PRTFDC1: variants seen among roughly 807,000 people sequenced by gnomAD.
PRTFDC1 encodes the protein phosphoribosyltransferase domain-containing protein 1.
Under a neutral mutation model 34.6 loss-of-function variants are expected in PRTFDC1, and 38 were observed. The observed-to-expected ratio is 1.10, with a 90% CI of 0.85 to 1.44. The LOEUF (loss-of-function observed/expected upper bound fraction) is 1.44. PRTFDC1 is among the 40% of genes most tolerant of loss of function. The probability of loss-of-function intolerance (pLI) is 0.00; values close to 1 mark genes in which losing one functional copy is unlikely to be tolerated. For missense variants in PRTFDC1, 270 were observed against 283.0 expected (o/e 0.95, Z 0.33); for synonymous variants, 93 against 98.1 (o/e 0.95, Z 0.31).
At chr10:24,907,154 C>T (rs1848549545) in intron 3 of PRTFDC1, among the ~76,000 whole-genome samples, 1 of 151,768 alleles carries the variant, frequency 6.6e-6, no homozygotes, top group Non-Finnish European at 1.5e-5. Flanking sequence ...AGACACTGCA[C>T]TGAGCTATGA....
Position 24,868,918 on chromosome 10 carries a change from C to T in PRTFDC1, c.405+3080G>A, listed in dbSNP as rs374229831. Among the ~76,000 whole-genome samples, 31 of 152,016 alleles carry T rather than the reference C, an allele frequency of 2.0e-4. 1 individual carries two copies. Among genetic ancestry groups the T allele is most frequent in the African/African-American group, 6.5e-4 (27 of 41,436 alleles). ...TAAATTTTATTTTTTCGTTGATACA[C>T]AATGTTTTATGTATTTACGGAGTAC... On this transcript the variant is annotated intron_variant, in intron 4 of 8. Transcript: ENST00000320152.
At chr10:24,940,998 C>A (rs1849146101) in intron 2 of PRTFDC1, among the ~76,000 whole-genome samples, 1 of 151,826 alleles carries the variant, frequency 6.6e-6, no homozygotes, top group Non-Finnish European at 1.5e-5. Flanking sequence ...TGTTCACCTG[C>A]AATGGGTGAA....
At chr10:24,909,123 A>C (rs549550097) in intron 3 of PRTFDC1, among the ~76,000 whole-genome samples, 1 of 152,308 alleles carries the variant, frequency 6.6e-6, no homozygotes, top group African/African-American at 2.4e-5. Flanking sequence ...CTCAACAAAA[A>C]GCCAAAAAAC....
intron 3 of PRTFDC1, among the ~76,000 whole-genome samples, chr10:24,932,516 T>C (rs1322840555): frequency 3.3e-5 from 5 of 151,934 alleles, no homozygotes; most frequent in Non-Finnish European, 7.4e-5. Context: ...TAATTGGAAT[T>C]TGAAATTCAA....
At chr10:24,902,165 T>G (rs149414928) in intron 3 of PRTFDC1, among the ~76,000 whole-genome samples, 2 of 151,862 alleles carry the variant, frequency 1.3e-5, no homozygotes, top group East Asian at 1.9e-4. Flanking sequence ...GCTGCCTCAT[T>G]GCTGGATGGA....
At chr10:24,927,735 C>G (rs1848901000) in intron 3 of PRTFDC1, among the ~76,000 whole-genome samples, 1 of 151,888 alleles carries the variant, frequency 6.6e-6, no homozygotes, top group Non-Finnish European at 1.5e-5. Flanking sequence ...GTGTACACCA[C>G]CACGTCCAGC....
chr10:24,871,785 G>C (rs563324389), intron 4 of PRTFDC1, among the ~76,000 whole-genome samples: 1 of 152,118 alleles, frequency 6.6e-6, no homozygotes, highest in Non-Finnish European at 1.5e-5. Flanking sequence ...AAGGAAGCTC[G>C]GAGAAGAAAG....
At chr10:24,865,129 A>G (rs1253100285) in intron 4 of PRTFDC1, among the ~76,000 whole-genome samples, 18 of 152,006 alleles carry the variant, frequency 1.2e-4, no homozygotes, top group Non-Finnish European at 2.5e-4. Context: ...AAAACAAAAC[A>G]AAACAAACGA....
At chr10:24,862,468 G>A (rs1565258148) in intron 4 of PRTFDC1, among the ~76,000 whole-genome samples, 2 of 151,950 alleles carry the variant, frequency 1.3e-5, no homozygotes, top group African/African-American at 2.4e-5. Context: ...TCTGCCTCTT[G>A]GGTTCAAGTG....
intron 3 of PRTFDC1, among the ~76,000 whole-genome samples, chr10:24,873,681 A>G (rs1565262030): frequency 6.6e-6 from 1 of 152,056 alleles, no homozygotes; most frequent in Non-Finnish European, 1.5e-5. Flanking sequence ...CTTCCCAGCT[A>G]CTCAAGCCAA....
At chr10:24,926,851 C>T (rs1848883723) in intron 3 of PRTFDC1, among the ~76,000 whole-genome samples, 1 of 152,212 alleles carries the variant, frequency 6.6e-6, no homozygotes, top group Non-Finnish European at 1.5e-5. Flanking sequence ...TGGATTGATA[C>T]TATAATTTAA....
intron 1 of PRTFDC1, among the ~76,000 whole-genome samples, chr10:24,945,232 T>C (rs1006725597): frequency 6.6e-6 from 1 of 152,182 alleles, no homozygotes; most frequent in African/African-American, 2.4e-5. Context: ...CATTGTTGAA[T>C]CCCTCAGTGC....
chr10:24,908,772 A>T, intron 3 of PRTFDC1: 1 of 1,453,730 alleles, frequency 6.9e-7, no homozygotes, highest in Non-Finnish European at 9.1e-7. Flanking sequence ...CCTAGCGATC[A>T]ATGGGGTGAC....
intron 3 of PRTFDC1, among the ~76,000 whole-genome samples, chr10:24,926,047 T>G (rs1396888157): frequency 2.0e-5 from 3 of 152,322 alleles, no homozygotes; most frequent in Non-Finnish European, 4.4e-5. Context: ...GAGGGCTTTC[T>G]TCTCCTGCCA....
At chr10:24,886,606 T>A (rs1009975066) in intron 3 of PRTFDC1, among the ~76,000 whole-genome samples, 1 of 152,138 alleles carries the variant, frequency 6.6e-6, no homozygotes, top group Non-Finnish European at 1.5e-5. Flanking sequence ...AGAGTCTGTG[T>A]TTCTTTCTTT....
Position 24,937,280 on chromosome 10 carries a change from G to T in PRTFDC1, c.243C>A (p.Phe81Leu), listed in dbSNP as rs1264994776. ...TAAGGTGTTCTACGAGATCAGCACA[G>T]AATTTGTAACCTCCTTTAAGCACAC... Reference protein sequence around the residue: ...VLCVLKGGYKFCADLVEHLKN... With the variant: ...VLCVLKGGYKLCADLVEHLKN... The change falls in exon 3 of 9, where the codon TTC becomes TTA. Residue 81 changes from phenylalanine (F) to leucine (L), a missense_variant. Physicochemically the swap from Phe to Leu is conservative, Grantham distance 22 (BLOSUM62 0). Transcript: ENST00000320152. 1.2e-6 allele frequency: 2 copies of T among 1,613,900 alleles called. No individual in the cohort carries two copies. The highest frequency in any genetic ancestry group is 8.5e-7 in the Non-Finnish European group (1 of 1,179,906).
intron 4 of PRTFDC1, among the ~76,000 whole-genome samples, chr10:24,862,301 A>T (rs2132498725): frequency 6.6e-6 from 1 of 152,238 alleles, no homozygotes; most frequent in East Asian, 1.9e-4. Flanking sequence ...TCCAACCTAT[A>T]CCATGGATTG....
chr10:24,928,789 G>C (rs1848921253), intron 3 of PRTFDC1, among the ~76,000 whole-genome samples: 1 of 151,268 alleles, frequency 6.6e-6, no homozygotes, highest in Non-Finnish European at 1.5e-5. Context: ...TGTAATCTCA[G>C]CACTTTGGGA....
chr10:24,870,019 G>C (rs1012339828), intron 4 of PRTFDC1, among the ~76,000 whole-genome samples: 1 of 152,174 alleles, frequency 6.6e-6, no homozygotes, highest in South Asian at 2.1e-4. Context: ...TCCTGGTTGG[G>C]GAGACAGGCA....
Sources: allele counts gnomAD v4.1 joint callset (sites outside exome capture counted in the v4.1 genomes callset), GRCh38; gene constraint gnomAD v4.1.1; transcripts MANE v1.5; gene names NCBI Gene and HGNC (gene_info 2026-07-23, HGNC 2026-07-21).